Variants in FAM13C observed in about 807,000 individuals in gnomAD.
The protein encoded by FAM13C is protein FAM13C.
A neutral mutation model predicts 73.2 loss-of-function variants in FAM13C; 37 were observed. The observed-to-expected ratio is 0.51, with a 90% confidence interval of 0.39 to 0.67. The LOEUF (loss-of-function observed/expected upper bound fraction) is 0.67. FAM13C is among the 30% of genes least tolerant of loss of function. FAM13C has a pLI of 0.00. For synonymous variants in FAM13C, 246 were observed against 260.9 expected (o/e 0.94, Z 0.55); for missense variants, 589 against 715.6 (o/e 0.82, Z 2.02).
At chr10:59,273,730 C>T (rs1843985817) in intron 6 of FAM13C, among the ~76,000 whole-genome samples, 1 of 152,048 alleles carries the variant, frequency 6.6e-6, no homozygotes, top group African/African-American at 2.4e-5. Flanking sequence ...TTTCTGGCAG[C>T]ACAGTCACTG....
intron 3 of FAM13C, among the ~76,000 whole-genome samples, chr10:59,331,528 A>G (rs561353304): frequency 6.6e-6 from 1 of 152,290 alleles, no homozygotes; most frequent in African/African-American, 2.4e-5. Flanking sequence ...AGTCTTGAAG[A>G]GTTTGGGCTT....
At chr10:59,300,233 A>C (rs1480695949) in intron 5 of FAM13C, among the ~76,000 whole-genome samples, 3 of 152,338 alleles carry the variant, frequency 2.0e-5, no homozygotes, top group East Asian at 1.9e-4. Flanking sequence ...GAAGTGAAAT[A>C]CCAGATGTAA....
chr10:59,359,800 T>A (rs903988294), intron 1 of FAM13C, among the ~76,000 whole-genome samples: 4 of 152,252 alleles, frequency 2.6e-5, no homozygotes, highest in Non-Finnish European at 5.9e-5. Context: ...GACTGCAATT[T>A]TCACAAGCTC....
intron 4 of FAM13C, among the ~76,000 whole-genome samples, chr10:59,303,475 A>C (rs1020845568): frequency 6.6e-6 from 1 of 152,224 alleles, no homozygotes; most frequent in African/African-American, 2.4e-5. Context: ...AATTGTTTTG[A>C]TTGAATGAAT....
chr10:59,246,755 T>C lies in FAM13C; in HGVS notation c.*859A>G, dbSNP rs1356786215. On this transcript the variant is annotated 3_prime_UTR_variant, in exon 14 of 14. Coordinates refer to ENST00000618804, the MANE Select transcript of FAM13C (RefSeq NM_198215.4). ...TTACAAAGTATAGATGTTGGAACAT[T>C]AAGAAAAATGTATATTCCCAATGAA... 1 of 396,274 alleles carries C rather than the reference T, an allele frequency of 2.5e-6. No individual in the cohort carries two copies. The highest frequency in any genetic ancestry group is 4.5e-6 in the Non-Finnish European group (1 of 224,598). 24.5% of individuals were successfully genotyped at this position (396,274 alleles called of 1,614,324 possible). A position where few individuals can be genotyped will look rare whatever the true frequency, so the allele number is the denominator to read the frequency against.
At chr10:59,266,184 A>T (rs1004448974) in intron 8 of FAM13C, among the ~76,000 whole-genome samples, 2 of 152,226 alleles carry the variant, frequency 1.3e-5, no homozygotes, top group Non-Finnish European at 2.9e-5. Flanking sequence ...CAAAAGACTG[A>T]TTCTTTCCAA....
At chr10:59,325,515 T>C (rs1403842694) in intron 3 of FAM13C, among the ~76,000 whole-genome samples, 1 of 152,192 alleles carries the variant, frequency 6.6e-6, no homozygotes, top group Non-Finnish European at 1.5e-5. Flanking sequence ...ACTAGTCCCC[T>C]AGACTTCGTA....
intron 4 of FAM13C, among the ~76,000 whole-genome samples, chr10:59,304,975 C>T (rs1475843932): frequency 6.6e-6 from 1 of 152,112 alleles, no homozygotes; most frequent in Non-Finnish European, 1.5e-5. Flanking sequence ...GCCAACTCCC[C>T]TTTGCTTTTT....
intron 6 of FAM13C, among the ~76,000 whole-genome samples, chr10:59,272,400 G>T (rs537431226): frequency 6.6e-6 from 1 of 152,368 alleles, no homozygotes; most frequent in Admixed American, 6.5e-5. Flanking sequence ...GTGTGTATTT[G>T]TGTAGACAGA....
intron 5 of FAM13C, among the ~76,000 whole-genome samples, chr10:59,291,838 G>C (rs1384308983): frequency 6.8e-6 from 1 of 147,612 alleles, no homozygotes; most frequent in Non-Finnish European, 1.5e-5. Context: ...GCCCAGGCTG[G>C]AGTGCAGTGG....
chr10:59,265,335 G>GGCGGGGCGGA (rs78422182), intron 8 of FAM13C, among the ~76,000 whole-genome samples: 1 of 16,060 alleles, frequency 6.2e-5, no homozygotes, highest in African/African-American at 2.9e-4. Flanking sequence ...GGGGGGGGGG[G>GGCGGGGCGGA]AATCCTGGTT....
intron 8 of FAM13C, among the ~76,000 whole-genome samples, chr10:59,265,690 G>T (rs745565360): frequency 6.6e-6 from 1 of 152,052 alleles, no homozygotes; most frequent in African/African-American, 2.4e-5. Context: ...TTTTTACTAC[G>T]GTGCATAGAA....
At chr10:59,257,359 G>A (rs1842043196) in intron 10 of FAM13C, among the ~76,000 whole-genome samples, 1 of 152,164 alleles carries the variant, frequency 6.6e-6, no homozygotes, top group Admixed American at 6.5e-5. Flanking sequence ...TCTGGGTCCT[G>A]GTCAGAAAGT....
At chr10:59,348,394 G>A (rs1005536381) in intron 3 of FAM13C, among the ~76,000 whole-genome samples, 1 of 152,150 alleles carries the variant, frequency 6.6e-6, no homozygotes, top group Non-Finnish European at 1.5e-5. Flanking sequence ...CATTTACCCT[G>A]CGATCAAAAC....
intron 10 of FAM13C, among the ~76,000 whole-genome samples, chr10:59,259,609 C>T (rs1842284203): frequency 6.6e-6 from 1 of 152,146 alleles, no homozygotes; most frequent in Non-Finnish European, 1.5e-5. Flanking sequence ...TTTACATTTT[C>T]TATTACAGAT....
intron 7 of FAM13C, among the ~76,000 whole-genome samples, chr10:59,269,417 TACACACAC>T (rs10532470): frequency 3.4e-5 from 5 of 146,658 alleles, no homozygotes; most frequent in Middle Eastern, 7.1e-3. Context: ...GGCATCCGAT[TACACACAC>T]ACACACACAC....
chr10:59,350,938 C>T (rs75475186), intron 3 of FAM13C, among the ~76,000 whole-genome samples: 2,045 of 152,320 alleles, frequency 0.013, 18 homozygotes, highest in Non-Finnish European at 0.022. Context: ...TATGGAACTT[C>T]CATGTCCCCA....
chr10:59,284,586 A>G (rs1478799679), intron 5 of FAM13C, among the ~76,000 whole-genome samples: 1 of 131,498 alleles, frequency 7.6e-6, no homozygotes, highest in Non-Finnish European at 1.6e-5. Context: ...CCCCTACTCC[A>G]CACACACACA....
chr10:59,358,741 G>T (rs1856027269), intron 1 of FAM13C, among the ~76,000 whole-genome samples: 1 of 152,132 alleles, frequency 6.6e-6, no homozygotes, highest in Non-Finnish European at 1.5e-5. Context: ...AGTACAATCA[G>T]TTAAAAATGG....
Sources: gnomAD v4.1 joint callset for allele counts (sites outside exome capture counted in the v4.1 genomes callset) on GRCh38, gnomAD v4.1.1 for gene constraint, MANE v1.5 for transcripts, NCBI Gene and HGNC (gene_info 2026-07-23, HGNC 2026-07-21) for gene names.